MYOCD: variants seen among roughly 807,000 people sequenced by gnomAD.
MYOCD encodes myocardin.
Under a neutral mutation model 96.1 loss-of-function variants are expected in MYOCD, and 32 were observed. The observed-to-expected ratio is 0.33, with a 90% CI of 0.25 to 0.45. The LOEUF is 0.45. Ranked by LOEUF, MYOCD falls within the 20% of genes least tolerant of loss-of-function variation. The pLI is 1.00. For synonymous variants in MYOCD, 469 were observed against 469.0 expected (o/e 1.00, Z 0.00); for missense variants, 1,133 against 1,200.6 (o/e 0.94, Z 0.83).
intron 10 of MYOCD, among the ~76,000 whole-genome samples, chr17:12,753,776 C>A (rs761773978): frequency 1.3e-5 from 2 of 152,130 alleles, no homozygotes; most frequent in Non-Finnish European, 2.9e-5. Flanking sequence ...TCCCAGGATT[C>A]CTCGGTGTCC....
intron 5 of MYOCD, among the ~76,000 whole-genome samples, chr17:12,727,511 A>C (rs1339658840): frequency 6.6e-6 from 1 of 152,096 alleles, no homozygotes; most frequent in Non-Finnish European, 1.5e-5. Flanking sequence ...TTGTGGTTGC[A>C]CTGTGTATCA....
Position 12,741,230 on chromosome 17 carries a change from CAAACCACAAGAGCTT to C in MYOCD, c.717+1908_717+1922del, listed in dbSNP as rs1432710166. On this transcript the variant is annotated intron_variant, in intron 7 of 13. Transcript: ENST00000425538. Reference sequence around the variant, plus strand: ...CAGTTTGCCAATAAGGCTCCCCCACCAAACCACAAGAGCTTAAACCCAGCTGACAATTCACTCAGC... The same window carrying C: ...CAGTTTGCCAATAAGGCTCCCCCACCAAACCCAGCTGACAATTCACTCAGC... 4.6e-5 allele frequency among the ~76,000 whole-genome samples: 7 copies of C among 152,298 alleles called. No homozygotes were observed. In the South Asian group the frequency reaches 1.2e-3, roughly 27 times the overall value.
intron 1 of MYOCD, among the ~76,000 whole-genome samples, chr17:12,667,654 G>C (rs749869654): frequency 4.3e-4 from 65 of 152,142 alleles, no homozygotes; most frequent in Non-Finnish European, 1.3e-4. Context: ...GGGGGTGCTG[G>C]TTTGTCTCTA....
intron 2 of MYOCD, among the ~76,000 whole-genome samples, chr17:12,707,745 T>A (rs55907406): frequency 0.088 from 13,254 of 150,968 alleles, 616 homozygotes; most frequent in Middle Eastern, 0.15. Context: ...AAATAAAAAT[T>A]AAAAAAGCAC....
chr17:12,688,531 TCCTTCCTTCCTTCCATCTTCTTC>T (rs2030257606), intron 1 of MYOCD, among the ~76,000 whole-genome samples: 2 of 96,796 alleles, frequency 2.1e-5, no homozygotes, highest in East Asian at 3.5e-4. Context: ...TCCATCTTCT[TCCTTCCTTCCTTCCATCTTCTTC>T]CTTCCTTCCT....
At chr17:12,723,852 A>G (rs764419364) in intron 5 of MYOCD, among the ~76,000 whole-genome samples, 1 of 152,228 alleles carries the variant, frequency 6.6e-6, no homozygotes, top group Non-Finnish European at 1.5e-5. Context: ...GTCAAAAAGT[A>G]GGTGTAAGGG....
chr17:12,688,532 C>CTTCCTTCCTTCCATCTT (rs1567572729), intron 1 of MYOCD, among the ~76,000 whole-genome samples: 5 of 98,966 alleles, frequency 5.1e-5, no homozygotes, highest in African/African-American at 3.0e-4. Context: ...CCATCTTCTT[C>CTTCCTTCCTTCCATCTT]CTTCCTTCCT....
chr17:12,684,481 G>T (rs1688884566), intron 1 of MYOCD, among the ~76,000 whole-genome samples: 1 of 152,146 alleles, frequency 6.6e-6, no homozygotes, highest in African/African-American at 2.4e-5. Flanking sequence ...ATGTCCAGGG[G>T]AACACTACAT....
At chr17:12,704,014 A>G (rs2031189067) in intron 1 of MYOCD, among the ~76,000 whole-genome samples, 1 of 152,156 alleles carries the variant, frequency 6.6e-6, no homozygotes, top group Admixed American at 6.6e-5. Context: ...GATAATTTCA[A>G]CATCTGACCC....
intron 1 of MYOCD, among the ~76,000 whole-genome samples, chr17:12,698,276 G>C (rs752336415): frequency 1.5e-4 from 23 of 152,182 alleles, no homozygotes; most frequent in Non-Finnish European, 3.2e-4. Context: ...CTTAACTTTT[G>C]TAAGTCTCAG....
chr17:12,687,494 A>G (rs1462198167), intron 1 of MYOCD, among the ~76,000 whole-genome samples: 1 of 152,212 alleles, frequency 6.6e-6, no homozygotes, highest in Admixed American at 6.5e-5. Flanking sequence ...TATGGCTGGT[A>G]CAGTGACTCC....
chr17:12,730,085 T>C (rs1025258401), intron 5 of MYOCD, among the ~76,000 whole-genome samples: 16 of 151,864 alleles, frequency 1.1e-4, no homozygotes, highest in African/African-American at 3.9e-4. Flanking sequence ...AGTTTGAGGC[T>C]GCAGTAAGCT....
intron 9 of MYOCD, among the ~76,000 whole-genome samples, chr17:12,751,599 C>G (rs967359488): frequency 5.3e-5 from 8 of 152,156 alleles, no homozygotes; most frequent in African/African-American, 1.7e-4. Context: ...TTGCCAGGCA[C>G]TATTCCAAGT....
chr17:12,672,517 T>A (rs887898688), intron 1 of MYOCD, among the ~76,000 whole-genome samples: 1 of 152,218 alleles, frequency 6.6e-6, no homozygotes, highest in African/African-American at 2.4e-5. Context: ...GGTGTCCAAT[T>A]TTTGTTAAAA....
intron 10 of MYOCD, among the ~76,000 whole-genome samples, chr17:12,755,267 T>A (rs1001210950): frequency 1.3e-5 from 2 of 152,192 alleles, no homozygotes; most frequent in Non-Finnish European, 2.9e-5. Flanking sequence ...TGCACAGTGA[T>A]TTATGGTTCA....
intron 1 of MYOCD, among the ~76,000 whole-genome samples, chr17:12,696,982 T>C (rs146654320): frequency 6.6e-6 from 1 of 152,226 alleles, no homozygotes; most frequent in African/African-American, 2.4e-5. Flanking sequence ...CAGCAATCTA[T>C]AAGGCCCATC....
At position 12,758,376 on chromosome 17, in the gene MYOCD, T is replaced by A. The variant is rs987257968; in HGVS notation, c.2331+163T>A. Reference sequence around the variant, plus strand: ...TATCTAGACAATAATTGGAAAACAGTGTTGCATGTGTAGCTGTGTGAGGCA... The same window carrying A: ...TATCTAGACAATAATTGGAAAACAGAGTTGCATGTGTAGCTGTGTGAGGCA... On this transcript the variant is annotated intron_variant, in intron 12 of 13. Coordinates refer to ENST00000425538, the MANE Select transcript of MYOCD (RefSeq NM_001146312.3). 8 of 1,070,642 alleles carry A rather than the reference T, an allele frequency of 7.5e-6. No homozygotes were observed. In the African/African-American group the frequency reaches 1.1e-4, roughly 15 times the overall value. 66.3% of individuals were successfully genotyped at this position (1,070,642 alleles called of 1,614,324 possible). A position where few individuals can be genotyped will look rare whatever the true frequency, so the allele number is the denominator to read the frequency against.
intron 6 of MYOCD, among the ~76,000 whole-genome samples, chr17:12,738,304 C>T (rs569532818): frequency 1.3e-5 from 2 of 152,140 alleles, no homozygotes; most frequent in Non-Finnish European, 2.9e-5. Context: ...TTCCTCACCC[C>T]CCATGGAGAG....
At chr17:12,672,059 G>C (rs1386295426) in intron 1 of MYOCD, 2 of 152,068 alleles carry the variant, frequency 1.3e-5, no homozygotes, top group Non-Finnish European at 2.9e-5. Context: ...GGGACTCCGT[G>C]GTCTTGGGAA....
Sources: gnomAD v4.1 joint callset for allele counts (sites outside exome capture counted in the v4.1 genomes callset) on GRCh38, gnomAD v4.1.1 for gene constraint, MANE v1.5 for transcripts, NCBI Gene and HGNC (gene_info 2026-07-23, HGNC 2026-07-21) for gene names.